Variants in SPAG16 observed in about 807,000 individuals in gnomAD.
SPAG16 encodes sperm associated antigen 16, also known as sperm-associated antigen 16 protein.
A neutral mutation model predicts 80.4 loss-of-function variants in SPAG16; 86 were observed. The observed-to-expected ratio is 1.07, with a 90% CI of 0.90 to 1.28. SPAG16 has a LOEUF of 1.28. Ranked by LOEUF, SPAG16 falls within the 50% of genes most tolerant of loss-of-function variation. SPAG16 has a pLI of 0.00. For missense variants in SPAG16, 870 were observed against 765.3 expected (o/e 1.14, Z -1.61); for synonymous variants, 294 against 265.9 (o/e 1.11, Z -1.03).
chr2:213,320,731 A>T (rs1284240957), intron 5 of SPAG16, among the ~76,000 whole-genome samples: 1 of 151,992 alleles, frequency 6.6e-6, no homozygotes, highest in African/African-American at 2.4e-5. Context: ...TGTTCCTGCA[A>T]ATTATAGGAT....
chr2:214,261,107 C>CAAAAAAAAAAAAAAAAAAAAAAAAAA (rs558534808), intron 15 of SPAG16, among the ~76,000 whole-genome samples: 4 of 54,472 alleles, frequency 7.3e-5, no homozygotes, highest in African/African-American at 1.5e-4. Flanking sequence ...GACTCAGTCT[C>CAAAAAAAAAAAAAAAAAAAAAAAAAA]AAAAAAAAAA....
In SPAG16 at chr2:214,133,544, C is replaced by G. The variant is rs566546640; in HGVS notation, c.1594-15596C>G. On this transcript the variant is annotated intron_variant, in intron 14 of 15. Coordinates refer to ENST00000331683, the MANE Select transcript of SPAG16 (RefSeq NM_024532.5). ...TGATGATGCATGCCTGTAATCCCAGCTACTCCGGAGCCTGAGGCAGGAGAA... is the reference window on the plus strand; with the variant it reads ...TGATGATGCATGCCTGTAATCCCAGGTACTCCGGAGCCTGAGGCAGGAGAA... Among the ~76,000 whole-genome samples the G allele has an allele frequency of 3.3e-5, 5 of 152,224 alleles. No individual in the cohort carries two copies. The South Asian group carries it at 1.0e-3, about 32-fold the overall frequency.
At chr2:213,499,150 A>T (rs532236821) in intron 10 of SPAG16, among the ~76,000 whole-genome samples, 1 of 152,146 alleles carries the variant, frequency 6.6e-6, no homozygotes, top group Non-Finnish European at 1.5e-5. Context: ...TATTCAATGA[A>T]ATCCCTTCAT....
chr2:213,858,528 T>C (rs1469654245), intron 10 of SPAG16, among the ~76,000 whole-genome samples: 4 of 152,226 alleles, frequency 2.6e-5, no homozygotes, highest in Admixed American at 2.6e-4. Context: ...ACATAACTTT[T>C]ATATGTACTG....
intron 9 of SPAG16, among the ~76,000 whole-genome samples, chr2:213,421,948 C>T (rs896585315): frequency 6.6e-6 from 1 of 152,186 alleles, no homozygotes; most frequent in Non-Finnish European, 1.5e-5. Flanking sequence ...CACTTTGGGT[C>T]TCCTGAGAGC....
chr2:213,309,781 C>G, intron 3 of SPAG16, among the ~76,000 whole-genome samples: 1 of 152,030 alleles, frequency 6.6e-6, no homozygotes, highest in South Asian at 2.1e-4. Context: ...CTCCCCACCC[C>G]AAGGTACTTA....
chr2:213,652,267 C>T (rs1218903058), intron 10 of SPAG16, among the ~76,000 whole-genome samples: 2 of 152,038 alleles, frequency 1.3e-5, no homozygotes, highest in South Asian at 2.1e-4. Flanking sequence ...GTATTTTCCC[C>T]ATATGGTATA....
At chr2:213,463,793 C>G (rs1290066278) in intron 9 of SPAG16, among the ~76,000 whole-genome samples, 1 of 152,234 alleles carries the variant, frequency 6.6e-6, no homozygotes, top group Non-Finnish European at 1.5e-5. Context: ...AGCCCCCATA[C>G]AGAGGCCCCA....
intron 10 of SPAG16, among the ~76,000 whole-genome samples, chr2:213,620,574 G>A (rs887492334): frequency 1.3e-5 from 2 of 152,094 alleles, no homozygotes; most frequent in African/African-American, 4.8e-5. Flanking sequence ...TTACAGGCAT[G>A]AGCCACTGCG....
At chr2:213,744,824 A>G (rs779351293) in intron 10 of SPAG16, among the ~76,000 whole-genome samples, 1 of 152,256 alleles carries the variant, frequency 6.6e-6, no homozygotes, top group Non-Finnish European at 1.5e-5. Context: ...ATAAGGTGCC[A>G]TTAGATACAC....
intron 15 of SPAG16, among the ~76,000 whole-genome samples, chr2:214,409,422 T>C (rs1702175760): frequency 6.6e-6 from 1 of 152,104 alleles, no homozygotes; most frequent in Admixed American, 6.6e-5. Flanking sequence ...TTAATTAAAA[T>C]TGGATCCCTG....
intron 10 of SPAG16, among the ~76,000 whole-genome samples, chr2:213,583,922 A>G (rs114591977): frequency 0.013 from 1,981 of 152,328 alleles, 20 homozygotes; most frequent in South Asian, 0.036. Flanking sequence ...TAAATTACGA[A>G]CAACGTGAGT....
In SPAG16 at chr2:214,149,096, T is replaced by TATATACAC. The variant is rs3043764; in HGVS notation, c.1594-43_1594-42insTATACACA. ...GTGTGTGTATATATATATATATATA[T>TATATACAC]ACATACATACACATTTTATTTTTGT... On this transcript the variant is annotated intron_variant, in intron 14 of 15. Transcript: ENST00000331683. 5 of 750,278 alleles carry TATATACAC rather than the reference T, an allele frequency of 6.7e-6. No individual in the cohort carries two copies. In the African/African-American group the frequency reaches 7.6e-5, roughly 11 times the overall value. The allele number at this position is 750,278 out of a possible 1,614,324, so 46.5% of individuals were successfully genotyped here.
chr2:213,601,506 A>G (rs760305223), intron 10 of SPAG16, among the ~76,000 whole-genome samples: 5 of 152,212 alleles, frequency 3.3e-5, no homozygotes, highest in African/African-American at 4.8e-5. Context: ...ATGAATTACT[A>G]TGGAGCAATT....
At chr2:213,686,161 T>C (rs28667204) in intron 10 of SPAG16, among the ~76,000 whole-genome samples, 3,943 of 152,282 alleles carry the variant, frequency 0.026, 171 homozygotes, top group African/African-American at 0.088. Context: ...CTTTGTTGCC[T>C]AGCCTAGAGT....
At chr2:214,329,546 ATC>A (rs1490089253) in intron 15 of SPAG16, among the ~76,000 whole-genome samples, 1 of 152,222 alleles carries the variant, frequency 6.6e-6, no homozygotes, top group Non-Finnish European at 1.5e-5. Flanking sequence ...AATGTCTTAA[ATC>A]TGCTCAGATT....
intron 15 of SPAG16, among the ~76,000 whole-genome samples, chr2:214,206,005 C>A (rs900634364): frequency 1.3e-5 from 2 of 150,018 alleles, no homozygotes; most frequent in Non-Finnish European, 3.0e-5. Context: ...ACACCCTGAC[C>A]AACATGGTGA....
intron 10 of SPAG16, among the ~76,000 whole-genome samples, chr2:213,661,522 CAAACTT>C (rs1282416273): frequency 4.6e-5 from 7 of 152,250 alleles, no homozygotes; most frequent in African/African-American, 1.7e-4. Flanking sequence ...CGATTATACT[CAAACTT>C]AAATAGATTG....
At chr2:213,420,698 A>G (rs759821245) in intron 9 of SPAG16, among the ~76,000 whole-genome samples, 5 of 152,234 alleles carry the variant, frequency 3.3e-5, no homozygotes, top group Non-Finnish European at 7.3e-5. Context: ...ACCTAATACC[A>G]CTATGGAGTT....
Sources: allele counts gnomAD v4.1 joint callset (sites outside exome capture counted in the v4.1 genomes callset), GRCh38; gene constraint gnomAD v4.1.1; transcripts MANE v1.5; gene names NCBI Gene and HGNC (gene_info 2026-07-23, HGNC 2026-07-21).